The following MCC variants were observed in gnomAD, a reference collection of about 807,000 sequenced individuals.
The protein encoded by MCC is colorectal mutant cancer protein.
In MCC, 90 loss-of-function variants were observed where a neutral mutation model predicts 116.2. The observed-to-expected ratio is 0.77, with a 90% CI of 0.65 to 0.92. MCC has a LOEUF of 0.92. MCC is among the 40% of genes least tolerant of loss of function. The pLI is 0.00. For synonymous variants in MCC, 578 were observed against 510.5 expected (o/e 1.13, Z -1.78); for missense variants, 1,516 against 1,312.2 (o/e 1.16, Z -2.40).
chr5:113,453,162 C>G (rs1250738535), intron 1 of MCC, among the ~76,000 whole-genome samples: 1 of 152,096 alleles, frequency 6.6e-6, no homozygotes, highest in Non-Finnish European at 1.5e-5. Flanking sequence ...GTTCGGTGGT[C>G]ACCCAATTAA....
intron 3 of MCC, among the ~76,000 whole-genome samples, chr5:113,306,783 A>G (rs1766996793): frequency 6.6e-6 from 1 of 152,142 alleles, no homozygotes; most frequent in Admixed American, 6.5e-5. Context: ...TATTTAATAA[A>G]TGATTGCCTA....
chr5:113,332,354 A>G (rs979978783), intron 3 of MCC, among the ~76,000 whole-genome samples: 1 of 151,354 alleles, frequency 6.6e-6, no homozygotes, highest in African/African-American at 2.5e-5. Context: ...ATAAATAAGT[A>G]TTTTCCTAAG....
chr5:113,151,494 T>C lies in MCC; in HGVS notation c.628-72A>G, dbSNP rs140936192. 4.9e-4 allele frequency: 376 copies of C among 765,450 alleles called. 2 individuals are homozygous for C. In the African/African-American group the frequency reaches 5.9e-3, roughly 12 times the overall value. 47.4% of individuals were successfully genotyped at this position (765,450 alleles called of 1,614,324 possible). A position where few individuals can be genotyped will look rare whatever the true frequency, so the allele number is the denominator to read the frequency against. On this transcript the variant is annotated intron_variant, in intron 3 of 18. Transcript: ENST00000408903. ...ATTTCCTTCCCTTCATTCCCGCAACTAGTATAACCAAATAAAAAGCCTATC... is the reference window on the plus strand; with the variant it reads ...ATTTCCTTCCCTTCATTCCCGCAACCAGTATAACCAAATAAAAAGCCTATC...
intron 1 of MCC, among the ~76,000 whole-genome samples, chr5:113,414,802 T>C (rs2150404397): frequency 6.6e-6 from 1 of 152,342 alleles, no homozygotes; most frequent in Non-Finnish European, 1.5e-5. Flanking sequence ...AATGTGATCC[T>C]CACATTATGA....
At position 113,063,844 on chromosome 5, in the gene MCC, G is replaced by C. The variant is rs544020166; in HGVS notation, c.2213+140C>G. 2.4e-4 allele frequency: 209 copies of C among 853,592 alleles called. No homozygotes were observed. In the African/African-American group the frequency reaches 3.2e-3, roughly 13 times the overall value. 52.9% of individuals were successfully genotyped at this position (853,592 alleles called of 1,614,324 possible). A position where few individuals can be genotyped will look rare whatever the true frequency, so the allele number is the denominator to read the frequency against. ...TGATCTTCTGACTCCTTTTTGGATG[G>C]AGCAGGCTGCATGCCAGAAGCCATG... On this transcript the variant is annotated intron_variant, in intron 14 of 18. Coordinates refer to ENST00000408903, the MANE Select transcript of MCC (RefSeq NM_001085377.2).
chr5:113,363,880 C>A (rs533858390), intron 2 of MCC, among the ~76,000 whole-genome samples: 6 of 152,228 alleles, frequency 3.9e-5, no homozygotes, highest in Admixed American at 2.0e-4. Flanking sequence ...ATCCAAGATA[C>A]AATGGTAGTA....
At chr5:113,149,058 A>C (rs968406292) in intron 4 of MCC, among the ~76,000 whole-genome samples, 1 of 152,186 alleles carries the variant, frequency 6.6e-6, no homozygotes, top group Non-Finnish European at 1.5e-5. Flanking sequence ...TCACTTTTTA[A>C]AATCCAAGAC....
intron 1 of MCC, among the ~76,000 whole-genome samples, chr5:113,481,699 A>C (rs1772382816): frequency 6.6e-6 from 1 of 152,320 alleles, no homozygotes; most frequent in East Asian, 1.9e-4. Context: ...AGATTGTGCC[A>C]CTTTACTCCA....
At chr5:113,179,101 A>G (rs1761483303) in intron 3 of MCC, among the ~76,000 whole-genome samples, 1 of 152,200 alleles carries the variant, frequency 6.6e-6, no homozygotes, top group African/African-American at 2.4e-5. Flanking sequence ...TACCTTACAG[A>G]GACCCTTTAA....
intron 1 of MCC, among the ~76,000 whole-genome samples, chr5:113,407,393 T>C (rs1769863775): frequency 6.6e-6 from 1 of 152,198 alleles, no homozygotes; most frequent in Non-Finnish European, 1.5e-5. Flanking sequence ...CTACCTTTGC[T>C]ATTTTCTAGA....
chr5:113,338,992 G>A (rs928432296), intron 3 of MCC, among the ~76,000 whole-genome samples: 4 of 151,884 alleles, frequency 2.6e-5, no homozygotes, highest in Non-Finnish European at 5.9e-5. Flanking sequence ...AGGCTAAGGC[G>A]GGTGGATCAC....
rs552200446 is a variant in MCC at position 113,260,360 on chromosome 5, C to G, written c.627+80159G>C. 2.0e-5 allele frequency among the ~76,000 whole-genome samples: 3 copies of G among 152,218 alleles called. No homozygotes were observed. In the East Asian group the frequency reaches 5.8e-4, roughly 29 times the overall value. The stretch of plus-strand genomic sequence containing the variant: ...TATTGATTTGCGCTTTTGCAAATCT[C>G]TTCAATGTCCTGCTTAATGGAAAAT... On this transcript the variant is annotated intron_variant, in intron 3 of 18. Coordinates refer to ENST00000408903, the MANE Select transcript of MCC (RefSeq NM_001085377.2).
At position 113,354,773 on chromosome 5, in the gene MCC, A is replaced by G. The variant is rs553689002; in HGVS notation, c.416-14043T>C. Reference sequence around the variant, plus strand: ...ACTTTTTATTGTACTATGATCAACCATATACCCTGTATTATTATTATTATT... The same window carrying G: ...ACTTTTTATTGTACTATGATCAACCGTATACCCTGTATTATTATTATTATT... On this transcript the variant is annotated intron_variant, in intron 2 of 18. Coordinates refer to ENST00000408903, the MANE Select transcript of MCC (RefSeq NM_001085377.2). 1.6e-3 allele frequency among the ~76,000 whole-genome samples: 134 copies of G among 85,756 alleles called. 1 individual carries two copies. The highest frequency in any genetic ancestry group is 6.6e-3 in the Admixed American group (70 of 10,654). The allele number at this position is 85,756 out of a possible 152,430, so 56.3% of individuals were successfully genotyped here.
rs75597873 is a variant in MCC at position 113,146,864 on chromosome 5, C to T, written c.742-3504G>A. Among the ~76,000 whole-genome samples, 1,191 of 152,228 alleles carry T rather than the reference C, an allele frequency of 7.8e-3. 15 individuals are homozygous for T. Among genetic ancestry groups the T allele is most frequent in the East Asian group, 0.069 (356 of 5,186 alleles). ...ATTGCATCCAGGGTTCTTCCTCCTC[C>T]CAGCCCATATTCAATTTTTGACTGA... On this transcript the variant is annotated intron_variant, in intron 4 of 18. Coordinates refer to ENST00000408903, the MANE Select transcript of MCC (RefSeq NM_001085377.2).
intron 3 of MCC, among the ~76,000 whole-genome samples, chr5:113,297,281 C>A (rs143432987): frequency 0.02 from 3,080 of 152,168 alleles, 123 homozygotes; most frequent in African/African-American, 0.071. Flanking sequence ...GCGGGCAGAT[C>A]ACTTGAGGTC....
At chr5:113,134,800 T>C (rs1355940599) in intron 5 of MCC, among the ~76,000 whole-genome samples, 1 of 151,942 alleles carries the variant, frequency 6.6e-6, no homozygotes, top group African/African-American at 2.4e-5. Context: ...AGCTTAGCGT[T>C]CCAGTAATGG....
intron 1 of MCC, among the ~76,000 whole-genome samples, chr5:113,484,124 C>G (rs1378781934): frequency 6.6e-6 from 1 of 151,908 alleles, no homozygotes; most frequent in Non-Finnish European, 1.5e-5. Context: ...CTAGTCGGCA[C>G]TAGGCTTAGT....
At chr5:113,130,759 C>T (rs1041131945) in intron 5 of MCC, among the ~76,000 whole-genome samples, 10 of 152,164 alleles carry the variant, frequency 6.6e-5, no homozygotes. Context: ...CTCCCCTTCC[C>T]CTTCTGCCAT....
chr5:113,216,477 T>G (rs1763319985), intron 3 of MCC, among the ~76,000 whole-genome samples: 2 of 152,308 alleles, frequency 1.3e-5, no homozygotes, highest in African/African-American at 4.8e-5. Flanking sequence ...TCTGTAAGCA[T>G]TTTTGTCTTC....
Sources: gnomAD v4.1 joint callset for allele counts (sites outside exome capture counted in the v4.1 genomes callset) on GRCh38, gnomAD v4.1.1 for gene constraint, MANE v1.5 for transcripts, NCBI Gene and HGNC (gene_info 2026-07-23, HGNC 2026-07-21) for gene names.